The following EPHB2 variants were observed in gnomAD, a reference collection of about 807,000 sequenced individuals.
EPHB2 encodes the protein ephrin type-B receptor 2.
EPHB2 carries 18 observed loss-of-function variants against 96.4 expected under a neutral mutation model. That is an observed-to-expected ratio of 0.19 (90% confidence interval 0.13 to 0.28). EPHB2 has a LOEUF of 0.28. EPHB2 is among the 10% of genes least tolerant of loss of function. The probability of loss-of-function intolerance (pLI) is 1.00; values close to 1 mark genes in which losing one functional copy is unlikely to be tolerated. For missense variants in EPHB2, 989 were observed against 1,355.4 expected, an observed-to-expected ratio of 0.73 and a Z score of 4.25; for synonymous variants, 506 against 534.1, an observed-to-expected ratio of 0.95 and a Z score of 0.72.
At chr1:22,809,568 G>T (rs1465735582) in intron 3 of EPHB2, among the ~76,000 whole-genome samples, 4 of 152,146 alleles carry the variant, frequency 2.6e-5, no homozygotes, top group African/African-American at 9.7e-5. Context: ...CCATCTCTCT[G>T]CAAGGTAGAC....
At chr1:22,871,077 C>A (rs1260557476) in intron 5 of EPHB2, among the ~76,000 whole-genome samples, 1 of 152,214 alleles carries the variant, frequency 6.6e-6, no homozygotes. Context: ...GTGCTAAGCC[C>A]TTAACACTGA....
At chr1:22,750,520 C>T (rs1644045394) in intron 1 of EPHB2, among the ~76,000 whole-genome samples, 2 of 152,250 alleles carry the variant, frequency 1.3e-5, no homozygotes, top group Non-Finnish European at 2.9e-5. Context: ...TAAGAAAGTT[C>T]CCCTTCCCTT....
chr1:22,821,511 A>T (rs1453528614), intron 3 of EPHB2, among the ~76,000 whole-genome samples: 2 of 152,208 alleles, frequency 1.3e-5, no homozygotes, highest in African/African-American at 4.8e-5. Context: ...GAAGGCACTC[A>T]CCCAGAATTG....
chr1:22,795,930 G>C (rs1009755771), intron 3 of EPHB2, among the ~76,000 whole-genome samples: 4 of 152,150 alleles, frequency 2.6e-5, no homozygotes, highest in African/African-American at 9.7e-5. Flanking sequence ...CTTCACACGA[G>C]CCACGTGTTC....
intron 6 of EPHB2, among the ~76,000 whole-genome samples, chr1:22,884,507 C>T (rs1639160071): frequency 1.3e-5 from 2 of 151,716 alleles, no homozygotes; most frequent in South Asian, 4.2e-4. Flanking sequence ...GTAATCCCAG[C>T]TACTCAGGAA....
chr1:22,827,155 T>G (rs1013463240), intron 3 of EPHB2, among the ~76,000 whole-genome samples: 1 of 152,174 alleles, frequency 6.6e-6, no homozygotes, highest in Admixed American at 6.5e-5. Context: ...TCATGGAAAC[T>G]CCTCACATTT....
Position 22,871,478 on chromosome 1 carries a change from C to A in EPHB2, c.1303+6266C>A, listed in dbSNP as rs549518933. On this transcript the variant is annotated intron_variant, in intron 5 of 15. Coordinates refer to ENST00000374630, the MANE Select transcript of EPHB2 (RefSeq NM_017449.5). ...ACATGGCCCCTTCCAAGCTGTGTAG[C>A]CAGGATGTGAGAAGACCTCATTTCT... Among the ~76,000 whole-genome samples the A allele has an allele frequency of 2.8e-4, 42 of 152,300 alleles. 1 individual carries two copies. In the South Asian group the frequency reaches 7.9e-3, roughly 29 times the overall value.
intron 8 of EPHB2, among the ~76,000 whole-genome samples, chr1:22,896,094 C>T (rs1374537762): frequency 6.6e-6 from 1 of 152,196 alleles, no homozygotes; most frequent in African/African-American, 2.4e-5. Context: ...TAAAGAGTTC[C>T]CCATTTCAGA....
chr1:22,738,069 A>T (rs1643865236), intron 1 of EPHB2, among the ~76,000 whole-genome samples: 2 of 152,086 alleles, frequency 1.3e-5, no homozygotes. Flanking sequence ...CCATTTAAAG[A>T]TAAAAAAAAT....
At chr1:22,793,225 T>G (rs1190701349) in intron 3 of EPHB2, among the ~76,000 whole-genome samples, 1 of 152,230 alleles carries the variant, frequency 6.6e-6, no homozygotes, top group Non-Finnish European at 1.5e-5. Context: ...CATTCATTTT[T>G]CACTCAAATA....
intron 3 of EPHB2, among the ~76,000 whole-genome samples, chr1:22,787,212 G>C (rs548137636): frequency 1.3e-5 from 2 of 152,198 alleles, no homozygotes; most frequent in Admixed American, 6.5e-5. Flanking sequence ...TACAGTGGGC[G>C]CAGAAAATGA....
chr1:22,903,985 T>C (rs556503778), intron 9 of EPHB2, among the ~76,000 whole-genome samples: 1 of 152,188 alleles, frequency 6.6e-6, no homozygotes, highest in Non-Finnish European at 1.5e-5. Context: ...ATGTATAAAA[T>C]TATTAAAAGT....
At chr1:22,907,927 CTG>C (rs1409766955) in intron 11 of EPHB2, 24 bp from the exon 12 acceptor site, 10 of 1,613,132 alleles carry the variant, frequency 6.2e-6, no homozygotes, top group East Asian at 2.2e-5. Context: ...TCTGTTTACT[CTG>C]TGTTTTCCCC....
intron 1 of EPHB2, among the ~76,000 whole-genome samples, chr1:22,773,269 A>G (rs942382787): frequency 6.6e-6 from 1 of 152,140 alleles, no homozygotes; most frequent in Non-Finnish European, 1.5e-5. Flanking sequence ...CTTCTCCTGG[A>G]ATTTCTAACT....
At chr1:22,770,980 C>G (rs993688634) in intron 1 of EPHB2, among the ~76,000 whole-genome samples, 7 of 152,102 alleles carry the variant, frequency 4.6e-5, no homozygotes, top group African/African-American at 1.4e-4. Flanking sequence ...TGTGACAGCT[C>G]AGCGCAGTAA....
At chr1:22,852,521 C>T (rs745374572) in intron 3 of EPHB2, among the ~76,000 whole-genome samples, 2 of 152,078 alleles carry the variant, frequency 1.3e-5, no homozygotes, top group African/African-American at 2.4e-5. Context: ...GCTGGGAGGG[C>T]GGGAGCTCTC....
chr1:22,892,228 C>A (rs1489498685), intron 6 of EPHB2, among the ~76,000 whole-genome samples: 2 of 152,170 alleles, frequency 1.3e-5, no homozygotes, highest in Non-Finnish European at 2.9e-5. Context: ...CTCATCAAGG[C>A]ATAGGGCAGG....
intron 1 of EPHB2, among the ~76,000 whole-genome samples, chr1:22,712,828 A>G (rs539310309): frequency 1.3e-5 from 2 of 152,352 alleles, no homozygotes; most frequent in African/African-American, 4.8e-5. Flanking sequence ...TTGGCCCGCT[A>G]TACATTGGGA....
chr1:22,837,364 T>C (rs1350285746), intron 3 of EPHB2, among the ~76,000 whole-genome samples: 2 of 152,164 alleles, frequency 1.3e-5, no homozygotes, highest in Admixed American at 6.5e-5. Context: ...TTCCTTGTGC[T>C]GGCCAGCTGC....
Sources: gnomAD v4.1 joint callset for allele counts (sites outside exome capture counted in the v4.1 genomes callset) on GRCh38, gnomAD v4.1.1 for gene constraint, MANE v1.5 for transcripts, NCBI Gene and HGNC (gene_info 2026-07-23, HGNC 2026-07-21) for gene names.